The following OASL variants were observed in gnomAD, a reference collection of about 807,000 sequenced individuals.
OASL encodes the protein 2'-5'-oligoadenylate synthetase like.
In OASL, 28 loss-of-function variants were observed where a neutral mutation model predicts 35.3. The ratio of observed to expected loss-of-function variants is 0.79; its 90% CI spans 0.59 to 1.09. The LOEUF (loss-of-function observed/expected upper bound fraction) is 1.09. Ranked by LOEUF, OASL falls within the 50% of genes least tolerant of loss-of-function variation. OASL has a pLI of 0.00. For synonymous variants in OASL, 252 were observed against 254.6 expected, an observed-to-expected ratio of 0.99 and a Z score of 0.10; for missense variants, 620 against 635.2, an observed-to-expected ratio of 0.98 and a Z score of 0.26.
In OASL at chr12:121,027,832, G is replaced by A. The variant is rs1869555139; in HGVS notation, c.658-15C>T. On this transcript the variant is annotated splice_polypyrimidine_tract_variant and intron_variant, in intron 3 of 5. Transcript: ENST00000257570. Reference sequence around the variant, plus strand: ...GCTTTCACATACTGTTGAAAGAGATGGGAAGACAGAGAGAGAGAGACCCTA... The same window carrying A: ...GCTTTCACATACTGTTGAAAGAGATAGGAAGACAGAGAGAGAGAGACCCTA... 1.9e-6 allele frequency: 3 copies of A among 1,606,914 alleles called. No homozygotes were observed. Among genetic ancestry groups the A allele is most frequent in the East Asian group, 2.2e-5 (1 of 44,860 alleles).
intron 5 of OASL, among the ~76,000 whole-genome samples, chr12:121,021,845 T>C (rs1427810952): frequency 6.6e-6 from 1 of 152,008 alleles, no homozygotes; most frequent in Non-Finnish European, 1.5e-5. Context: ...GAAAAAGAAA[T>C]ATAAGCCTGG....
intron 4 of OASL, 64 bp from the exon 5 acceptor site, chr12:121,024,201 A>G (rs938436064): frequency 1.9e-6 from 3 of 1,553,320 alleles, no homozygotes; most frequent in Admixed American, 1.9e-5. Flanking sequence ...CCAGAAAAAA[A>G]CCTTCTCGGC....
At chr12:121,020,665 G>C in exon 6 of OASL, 1 of 1,614,226 alleles carries the variant, frequency 6.2e-7, no homozygotes, top group South Asian at 1.1e-5. Flanking sequence ...TGCAGGACTT[G>C]GCCTTGGAAT....
At chr12:121,024,075 A>G in exon 5 of OASL, 1 of 1,614,088 alleles carries the variant, frequency 6.2e-7, no homozygotes, top group Non-Finnish European at 8.5e-7. Context: ...CTGAGCAACG[A>G]TGTCCCATCT....
At chr12:121,024,076 T>C in exon 5 of OASL, 1 of 1,614,164 alleles carries the variant, frequency 6.2e-7, no homozygotes, top group Non-Finnish European at 8.5e-7. Flanking sequence ...TGAGCAACGA[T>C]GTCCCATCTG....
intron 5 of OASL, among the ~76,000 whole-genome samples, chr12:121,022,380 T>C (rs1869281548): frequency 6.6e-6 from 1 of 152,140 alleles, no homozygotes; most frequent in African/African-American, 2.4e-5. Context: ...CCACCGCACC[T>C]GGCCAAGTTT....
At chr12:121,022,343 C>A (rs1407361808) in intron 5 of OASL, among the ~76,000 whole-genome samples, 2 of 152,144 alleles carry the variant, frequency 1.3e-5, no homozygotes, top group Non-Finnish European at 2.9e-5. Context: ...CCTCGGCCTC[C>A]CAAAGTGCTG....
rs1869206239 is a variant in OASL at position 121,020,914 on chromosome 12, G to A, written c.1192C>T (p.Gln398Ter). ...AGCTGCCTCTCACTGCCAGGAACCTGGAAGGACAGACGCTGCAGGCCAGAG... is the reference window on the plus strand; with the variant it reads ...AGCTGCCTCTCACTGCCAGGAACCTAGAAGGACAGACGCTGCAGGCCAGAG... Residue 398 changes from glutamine to a stop codon, truncating the protein, a stop_gained, in exon 6 of 6, where the codon CAG becomes TAG. Coordinates refer to ENST00000257570, the Ensembl canonical transcript of OASL. LOFTEE classifies it low-confidence loss of function (END_TRUNC). The A allele has an allele frequency of 6.2e-7, 1 of 1,614,062 alleles. No individual in the cohort carries two copies. The highest frequency in any genetic ancestry group is 1.3e-5 in the African/African-American group (1 of 74,922).
At chr12:121,028,301 AC>A (rs1565905344) in intron 3 of OASL, among the ~76,000 whole-genome samples, 4 of 151,934 alleles carry the variant, frequency 2.6e-5, no homozygotes, top group African/African-American at 9.7e-5. Context: ...GAAGGGGTTG[AC>A]CCCCACCCGC....
intron 5 of OASL, among the ~76,000 whole-genome samples, chr12:121,023,549 C>G (rs1869342867): frequency 6.6e-6 from 1 of 152,112 alleles, no homozygotes; most frequent in South Asian, 2.1e-4. Context: ...CTTGGCCTCC[C>G]AAAGTGCTGG....
chr12:121,031,860 C>T (rs1869748869), intron 2 of OASL, among the ~76,000 whole-genome samples: 1 of 152,030 alleles, frequency 6.6e-6, no homozygotes, highest in Non-Finnish European at 1.5e-5. Flanking sequence ...CTCAATGTCC[C>T]TCATTTTCTT....
exon 6 of OASL, chr12:121,020,472 C>G (rs965086034): frequency 7.4e-7 from 1 of 1,354,256 alleles, no homozygotes; most frequent in African/African-American, 1.5e-5. Context: ...AGACCTGGGA[C>G]CTTCCCAGTA....
chr12:121,037,762 C>G (rs569864352), intron 1 of OASL, among the ~76,000 whole-genome samples: 32 of 125,416 alleles, frequency 2.6e-4, no homozygotes, highest in African/African-American at 3.7e-4. Flanking sequence ...CAGAGCAAGA[C>G]TCTGTCTCAA....
Position 121,032,098 on chromosome 12 carries a change from C to G in OASL, c.482-481G>C, listed in dbSNP as rs373381184. On this transcript the variant is annotated intron_variant, in intron 2 of 5. Transcript: ENST00000257570. The stretch of plus-strand genomic sequence containing the variant: ...ATCCCAGCTACTCGGGAGGCTGAGG[C>G]TGGAGAATCACTTGAACCCTGGAGG... 3.7e-4 allele frequency among the ~76,000 whole-genome samples: 57 copies of G among 152,280 alleles called. No individual in the cohort carries two copies. The South Asian group carries it at 8.9e-3, about 24-fold the overall frequency.
chr12:121,037,215 G>A (rs1355788284), intron 1 of OASL, among the ~76,000 whole-genome samples: 1 of 151,998 alleles, frequency 6.6e-6, no homozygotes, highest in Non-Finnish European at 1.5e-5. Flanking sequence ...GTGACCTTGG[G>A]GTATCTCTCA....
intron 5 of OASL, among the ~76,000 whole-genome samples, chr12:121,023,060 C>T (rs1869313059): frequency 6.6e-6 from 1 of 152,132 alleles, no homozygotes; most frequent in African/African-American, 2.4e-5. Flanking sequence ...GCTTTGCACA[C>T]TAGAAAGTGT....
chr12:121,021,230 C>T (rs1869223394), intron 5 of OASL, among the ~76,000 whole-genome samples, 172 bp from the exon 6 acceptor site: 1 of 152,124 alleles, frequency 6.6e-6, no homozygotes, highest in Admixed American at 6.6e-5. Flanking sequence ...CCTTCCATAC[C>T]CTTAATGCAT....
At chr12:121,022,135 A>G (rs1869267334) in intron 5 of OASL, among the ~76,000 whole-genome samples, 1 of 135,358 alleles carries the variant, frequency 7.4e-6, no homozygotes, top group African/African-American at 2.8e-5. Flanking sequence ...TTGCCAGGCT[A>G]GAGTGCAGTG....
At position 121,029,451 on chromosome 12, in the gene OASL, G is replaced by A. The variant is rs569277376; in HGVS notation, c.658-1634C>T. 9.2e-5 allele frequency among the ~76,000 whole-genome samples: 14 copies of A among 152,300 alleles called. No homozygotes were observed. The East Asian group carries it at 2.7e-3, about 29-fold the overall frequency. On this transcript the variant is annotated intron_variant, in intron 3 of 5. Transcript: ENST00000257570. ...CGCCTGTAATCCCAGCACTTTGGGA[G>A]GCCAAGGCAGGTGGATCACAAGGTC... is the stretch of plus-strand genomic sequence containing the variant.
Sources: gnomAD v4.1 joint callset for allele counts (sites outside exome capture counted in the v4.1 genomes callset) on GRCh38, gnomAD v4.1.1 for gene constraint, MANE v1.5 for transcripts, NCBI Gene and HGNC (gene_info 2026-07-23, HGNC 2026-07-21) for gene names.